Variants in CDH13 observed in about 807,000 individuals in gnomAD.
CDH13 encodes cadherin-13.
Under a neutral mutation model 63.8 loss-of-function variants are expected in CDH13, and 24 were observed. That is an observed-to-expected ratio of 0.38 (90% confidence interval 0.27 to 0.53). The LOEUF (loss-of-function observed/expected upper bound fraction) is 0.53. CDH13 is among the 20% of genes least tolerant of loss of function. The probability of loss-of-function intolerance (pLI) is 0.85; values close to 1 mark genes in which losing one functional copy is unlikely to be tolerated. For missense variants in CDH13, 1,049 were observed against 903.1 expected (o/e 1.16, Z -2.07); for synonymous variants, 503 against 355.3 (o/e 1.42, Z -4.67).
intron 2 of CDH13, among the ~76,000 whole-genome samples, chr16:82,872,833 CTGAA>C (rs1457667715): frequency 6.6e-6 from 1 of 152,176 alleles, no homozygotes; most frequent in Non-Finnish European, 1.5e-5. Context: ...AGAAGAAACA[CTGAA>C]TGATCACCTA....
chr16:82,944,051 T>A (rs929104665), intron 2 of CDH13, among the ~76,000 whole-genome samples: 9 of 152,198 alleles, frequency 5.9e-5, no homozygotes, highest in Non-Finnish European at 1.0e-4. Flanking sequence ...AAGTATTTAA[T>A]GTCTCTTGAT....
At chr16:83,346,380 A>C (rs1361163010) in intron 6 of CDH13, among the ~76,000 whole-genome samples, 2 of 152,190 alleles carry the variant, frequency 1.3e-5, no homozygotes, top group African/African-American at 4.8e-5. Flanking sequence ...AATCTTCTTA[A>C]ACGAGCTGAT....
chr16:83,316,307 C>T (rs1437421300), intron 5 of CDH13, among the ~76,000 whole-genome samples: 1 of 152,194 alleles, frequency 6.6e-6, no homozygotes, highest in African/African-American at 2.4e-5. Context: ...ATCACACATA[C>T]ACACACATAC....
chr16:82,746,900 A>G (rs913691347), intron 1 of CDH13, among the ~76,000 whole-genome samples: 1 of 152,130 alleles, frequency 6.6e-6, no homozygotes, highest in African/African-American at 2.4e-5. Flanking sequence ...ATTGTTAAGG[A>G]CCTGATGTTG....
chr16:82,833,765 C>T (rs532082180), intron 1 of CDH13, among the ~76,000 whole-genome samples: 2 of 152,228 alleles, frequency 1.3e-5, no homozygotes, highest in Middle Eastern at 3.4e-3. Flanking sequence ...GAAGGAAGCC[C>T]TGGCTCTGTG....
chr16:83,294,187 A>T (rs568331214), intron 5 of CDH13, among the ~76,000 whole-genome samples: 1 of 152,244 alleles, frequency 6.6e-6, no homozygotes, highest in Non-Finnish European at 1.5e-5. Flanking sequence ...TGGAATGATT[A>T]AATCTAGCTA....
chr16:82,906,048 C>G (rs778414983), intron 2 of CDH13, among the ~76,000 whole-genome samples: 1 of 152,156 alleles, frequency 6.6e-6, no homozygotes, highest in African/African-American at 2.4e-5. Flanking sequence ...TTCTATCTAT[C>G]TACCTGTCTA....
intron 7 of CDH13, among the ~76,000 whole-genome samples, chr16:83,526,452 A>C (rs965244909): frequency 1.3e-5 from 2 of 152,128 alleles, no homozygotes; most frequent in South Asian, 4.1e-4. Flanking sequence ...TTAGATTCTC[A>C]TAAGGAGCAT....
chr16:83,602,627 G>A (rs774664968), intron 8 of CDH13, 33 bp downstream of exon 8: 1 of 1,611,786 alleles, frequency 6.2e-7, no homozygotes. Context: ...AACCACCACT[G>A]TGGTCACAGC....
At chr16:82,841,183 C>T (rs536960617) in intron 1 of CDH13, among the ~76,000 whole-genome samples, 1 of 152,150 alleles carries the variant, frequency 6.6e-6, no homozygotes, top group Admixed American at 6.5e-5. Context: ...TGTCCCAAAT[C>T]CAGATGCTCG....
chr16:83,462,584 C>T (rs1238076360), intron 6 of CDH13, among the ~76,000 whole-genome samples: 1 of 152,178 alleles, frequency 6.6e-6, no homozygotes, highest in Admixed American at 6.5e-5. Flanking sequence ...AACCCCATCT[C>T]TATTAAAAAT....
chr16:83,098,063 C>A (rs75267638), intron 3 of CDH13, among the ~76,000 whole-genome samples: 3,197 of 152,194 alleles, frequency 0.021, 108 homozygotes, highest in African/African-American at 0.073. Context: ...TTGGGATGGT[C>A]CAGATAAGAG....
At chr16:83,234,098 ACT>A (rs952145503) in intron 5 of CDH13, among the ~76,000 whole-genome samples, 7 of 152,130 alleles carry the variant, frequency 4.6e-5, no homozygotes, top group Non-Finnish European at 8.8e-5. Flanking sequence ...AGGAGAAGTA[ACT>A]CTGGATGAAC....
At chr16:82,917,471 T>C (rs889095922) in intron 2 of CDH13, among the ~76,000 whole-genome samples, 21 of 151,984 alleles carry the variant, frequency 1.4e-4, no homozygotes, top group African/African-American at 4.6e-4. Context: ...ACCTGAAAGA[T>C]AGTTGAGAAA....
chr16:82,669,675 T>A (rs755418616), intron 1 of CDH13, among the ~76,000 whole-genome samples: 19 of 152,224 alleles, frequency 1.2e-4, no homozygotes, highest in Non-Finnish European at 2.2e-4. Context: ...TCTCTTGTGA[T>A]TAGTTGGCAA....
intron 3 of CDH13, among the ~76,000 whole-genome samples, chr16:83,048,067 G>T (rs1917964802): frequency 6.6e-6 from 1 of 152,194 alleles, no homozygotes; most frequent in Admixed American, 6.5e-5. Flanking sequence ...CAGGTTGGTT[G>T]AATAGCTGTA....
rs117308205 is a variant in CDH13 at position 83,205,547 on chromosome 16, G to A, written c.484-11798G>A. ...TGATCAATAAGTATTTTGAATGCAAGAAAAGAAGTTGAGGGGAGATCATAT... is the reference window on the plus strand; with the variant it reads ...TGATCAATAAGTATTTTGAATGCAAAAAAAGAAGTTGAGGGGAGATCATAT... On this transcript the variant is annotated intron_variant, in intron 4 of 13. Coordinates refer to ENST00000567109, the MANE Select transcript of CDH13 (RefSeq NM_001257.5). Among the ~76,000 whole-genome samples, 666 of 149,864 alleles carry A rather than the reference G, an allele frequency of 4.4e-3. 24 individuals carry two copies. In the East Asian group the frequency reaches 0.1, roughly 23 times the overall value.
rs10527714 is a variant in CDH13 at position 82,909,252 on chromosome 16, ATGTGTGTGTGTGTGTGTGTGTG to A, written c.157+50799_157+50820del. Among the ~76,000 whole-genome samples the A allele has an allele frequency of 4.8e-3, 705 of 146,942 alleles. 1 individual carries two copies. Among genetic ancestry groups the A allele is most frequent in the African/African-American group, 0.017 (670 of 39,916 alleles). On this transcript the variant is annotated intron_variant, in intron 2 of 13. Coordinates refer to ENST00000567109, the MANE Select transcript of CDH13 (RefSeq NM_001257.5). ...CACAGAAACTGAGGACTGACTGTAT[ATGTGTGTGTGTGTGTGTGTGTG>A]TGTGTGTGTGTGTGTGTGTAGACAC...
At chr16:83,205,084 A>G (rs1289879009) in intron 4 of CDH13, among the ~76,000 whole-genome samples, 2 of 152,222 alleles carry the variant, frequency 1.3e-5, no homozygotes, top group Non-Finnish European at 1.5e-5. Context: ...TTCTGATACC[A>G]TAAATCTGAT....
Sources: allele counts gnomAD v4.1 joint callset (sites outside exome capture counted in the v4.1 genomes callset), GRCh38; gene constraint gnomAD v4.1.1; transcripts MANE v1.5; gene names NCBI Gene and HGNC (gene_info 2026-07-23, HGNC 2026-07-21).